Variants in COL19A1 observed in about 807,000 individuals in gnomAD.
COL19A1 encodes collagen type XIX alpha 1 chain, also known as collagen alpha-1(XIX) chain.
Under a neutral mutation model 190.2 loss-of-function variants are expected in COL19A1, and 159 were observed. The ratio of observed to expected loss-of-function variants is 0.84; its 90% CI spans 0.73 to 0.95. The LOEUF (loss-of-function observed/expected upper bound fraction) is 0.95. Among genes scored for constraint, COL19A1 ranks in the 40% least tolerant of loss-of-function variants. COL19A1 has a pLI of 0.00. For synonymous variants in COL19A1, 509 were observed against 458.9 expected (o/e 1.11, Z -1.39); for missense variants, 1,418 against 1,431.9 (o/e 0.99, Z 0.16).
Position 70,163,379 on chromosome 6 carries a change from G to A in COL19A1, c.2383G>A (p.Gly795Arg), listed in dbSNP as rs767315652. The A allele has an allele frequency of 1.9e-6, 3 of 1,612,174 alleles. No individual in the cohort carries two copies. Among genetic ancestry groups the A allele is most frequent in the Admixed American group, 3.3e-5 (2 of 59,950 alleles). The change falls in exon 36 of 51, where the codon GGA becomes AGA. Residue 795 changes from glycine (G) to arginine (R), a missense_variant. Physicochemically the swap from Gly to Arg is moderately radical, Grantham distance 125. Coordinates refer to ENST00000620364, the MANE Select transcript of COL19A1 (RefSeq NM_001858.6). ...AAGAACTGGACATCCTGGTCCCACA[G>A]GAGCAAAAGGTGAAAAGGTACAAAG... ...MGRTGHPGPTGAKGEKGSDGP... is the reference protein window; with the variant it reads ...MGRTGHPGPTRAKGEKGSDGP...
chr6:70,184,434 GT>G (rs1156743233), intron 44 of COL19A1, among the ~76,000 whole-genome samples: 1 of 152,134 alleles, frequency 6.6e-6, no homozygotes, highest in Non-Finnish European at 1.5e-5. Flanking sequence ...TAGTTTTGAG[GT>G]TATTTATTTT....
At chr6:70,197,296 G>A (rs1036544452) in intron 48 of COL19A1, among the ~76,000 whole-genome samples, 4 of 152,004 alleles carry the variant, frequency 2.6e-5, no homozygotes, top group South Asian at 2.1e-4. Context: ...GGTGGTGGGC[G>A]CCTGTAGTCC....
At position 70,048,604 on chromosome 6, in the gene COL19A1, A is replaced by G. The variant is rs1441927325; in HGVS notation, c.1170+12665A>G. Among the ~76,000 whole-genome samples the G allele has an allele frequency of 2.6e-5, 4 of 152,142 alleles. No homozygotes were observed. In the East Asian group the frequency reaches 7.7e-4, roughly 29 times the overall value. On this transcript the variant is annotated intron_variant, in intron 14 of 50. Coordinates refer to ENST00000620364, the MANE Select transcript of COL19A1 (RefSeq NM_001858.6). Reference sequence around the variant, plus strand: ...AGTTTACAAGTATTTGTACAACTGTAGTTGTTCATATTATACACAGACATC... The same window carrying G: ...AGTTTACAAGTATTTGTACAACTGTGGTTGTTCATATTATACACAGACATC...
intron 16 of COL19A1, among the ~76,000 whole-genome samples, chr6:70,104,177 G>A (rs992318339): frequency 6.6e-6 from 1 of 152,162 alleles, no homozygotes; most frequent in African/African-American, 2.4e-5. Context: ...GAATGAGGGG[G>A]TGAGGAAGCA....
chr6:70,023,133 AT>A (rs11383774), intron 11 of COL19A1, among the ~76,000 whole-genome samples: 3,265 of 110,010 alleles, frequency 0.03, 43 homozygotes, highest in African/African-American at 0.063. Flanking sequence ...TTATGCAGCT[AT>A]TTTTTTTTTT....
chr6:70,082,446 T>C (rs1032976493), intron 15 of COL19A1, among the ~76,000 whole-genome samples: 1 of 152,212 alleles, frequency 6.6e-6, no homozygotes, highest in Non-Finnish European at 1.5e-5. Flanking sequence ...AGTCTCACTC[T>C]GTCTTCCCCA....
chr6:69,880,199 G>A (rs982091056), intron 2 of COL19A1, among the ~76,000 whole-genome samples: 1 of 152,140 alleles, frequency 6.6e-6, no homozygotes, highest in Non-Finnish European at 1.5e-5. Flanking sequence ...AAATGTATCA[G>A]TCTTTTCATA....
intron 14 of COL19A1, among the ~76,000 whole-genome samples, chr6:70,061,493 CA>C (rs1189025048): frequency 6.6e-6 from 1 of 151,944 alleles, no homozygotes. Context: ...GAGTTTGTAC[CA>C]TATCTTAGTA....
At chr6:70,117,493 T>G (rs1784644207) in intron 16 of COL19A1, among the ~76,000 whole-genome samples, 1 of 152,226 alleles carries the variant, frequency 6.6e-6, no homozygotes, top group Non-Finnish European at 1.5e-5. Context: ...CAAAAACTAT[T>G]TAAAAGCTGC....
At chr6:69,968,004 A>G (rs1294926545) in intron 11 of COL19A1, among the ~76,000 whole-genome samples, 2 of 152,200 alleles carry the variant, frequency 1.3e-5, no homozygotes, top group Non-Finnish European at 2.9e-5. Context: ...GCATCAAAAC[A>G]TTTGTATTTC....
chr6:70,032,177 G>C (rs1232754836), intron 12 of COL19A1, among the ~76,000 whole-genome samples: 5 of 152,138 alleles, frequency 3.3e-5, no homozygotes, highest in Non-Finnish European at 5.9e-5. Context: ...ACAGGCCAAA[G>C]ACTTAGACAT....
chr6:69,978,340 T>A (rs1410304375), intron 11 of COL19A1, among the ~76,000 whole-genome samples: 1 of 152,114 alleles, frequency 6.6e-6, no homozygotes, highest in Non-Finnish European at 1.5e-5. Context: ...TAATTTTTTA[T>A]ACGTTCATGG....
intron 11 of COL19A1, among the ~76,000 whole-genome samples, chr6:69,964,401 G>A (rs1253590398): frequency 2.0e-5 from 3 of 152,040 alleles, no homozygotes; most frequent in African/African-American, 7.2e-5. Flanking sequence ...TTAAATAAAT[G>A]CTTTATTTAT....
At chr6:70,169,381 A>G (rs1052421981) in intron 40 of COL19A1, among the ~76,000 whole-genome samples, 3 of 152,150 alleles carry the variant, frequency 2.0e-5, no homozygotes, top group Non-Finnish European at 4.4e-5. Context: ...ACCTTTGGGT[A>G]TATACTTGAA....
chr6:69,996,589 C>G (rs1432480788), intron 11 of COL19A1, among the ~76,000 whole-genome samples: 2 of 151,896 alleles, frequency 1.3e-5, no homozygotes, highest in African/African-American at 4.8e-5. Flanking sequence ...TAGTAGTACA[C>G]TATACATGTA....
chr6:69,868,647 G>C (rs776062081), intron 1 of COL19A1, among the ~76,000 whole-genome samples: 2 of 152,056 alleles, frequency 1.3e-5, no homozygotes, highest in Non-Finnish European at 2.9e-5. Context: ...CTAAGAAAGA[G>C]CAAAAAGGTG....
At chr6:70,041,902 AT>A (rs1285959368) in intron 14 of COL19A1, among the ~76,000 whole-genome samples, 3 of 151,884 alleles carry the variant, frequency 2.0e-5, no homozygotes, top group East Asian at 1.9e-4. Context: ...AAATAAAAAA[AT>A]AAAAGTAAAA....
intron 36 of COL19A1, 62 bp from the exon 37 acceptor site, chr6:70,165,879 A>C (rs1434710316): frequency 7.0e-7 from 1 of 1,421,796 alleles, no homozygotes; most frequent in Non-Finnish European, 9.9e-7. Context: ...ATTTCAGAAG[A>C]TAGTTTGTAA....
At chr6:69,885,962 CA>C (rs1768899992) in intron 2 of COL19A1, among the ~76,000 whole-genome samples, 1 of 152,068 alleles carries the variant, frequency 6.6e-6, no homozygotes, top group Admixed American at 6.5e-5. Flanking sequence ...TCTCAGGCTA[CA>C]AAAGTGGAAG....
Sources: allele counts gnomAD v4.1 joint callset (sites outside exome capture counted in the v4.1 genomes callset), GRCh38; gene constraint gnomAD v4.1.1; transcripts MANE v1.5; gene names NCBI Gene and HGNC (gene_info 2026-07-23, HGNC 2026-07-21).